Variants in CTNNA2 observed in about 807,000 individuals in gnomAD.
CTNNA2 encodes the protein catenin alpha-2.
A neutral mutation model predicts 101.0 loss-of-function variants in CTNNA2; 42 were observed. That is an observed-to-expected ratio of 0.42 (90% CI 0.32 to 0.54). The LOEUF (loss-of-function observed/expected upper bound fraction) is 0.54. Ranked by LOEUF, CTNNA2 falls within the 20% of genes least tolerant of loss-of-function variation. CTNNA2 has a pLI of 0.14. For missense variants in CTNNA2, 871 were observed against 1,223.1 expected, an observed-to-expected ratio of 0.71 and a Z score of 4.29; for synonymous variants, 450 against 456.4, an observed-to-expected ratio of 0.99 and a Z score of 0.18.
intron 3 of CTNNA2, among the ~76,000 whole-genome samples, chr2:79,847,122 A>G (rs1680289010): frequency 6.6e-6 from 1 of 152,156 alleles, no homozygotes. Context: ...TCATCTTGAC[A>G]TTTCCCTTCT....
chr2:80,273,578 C>T (rs1450463034), intron 7 of CTNNA2, among the ~76,000 whole-genome samples: 3 of 152,188 alleles, frequency 2.0e-5, no homozygotes, highest in African/African-American at 4.8e-5. Context: ...AGGCCAGCTC[C>T]ACTCCTCTCC....
In CTNNA2 at chr2:79,695,076, CTT is replaced by C. The variant is rs145301717; in HGVS notation, c.102+43429_102+43430del. On this transcript the variant is annotated intron_variant, in intron 2 of 18. Transcript: ENST00000402739. ...AAAAGAAATCTTCTCTTTCACATTACTTTTTTTTTTTTAATGTTACATTTGAA... is the reference window on the plus strand; with the variant it reads ...AAAAGAAATCTTCTCTTTCACATTACTTTTTTTTTTAATGTTACATTTGAA... Among the ~76,000 whole-genome samples, 42 of 141,196 alleles carry C rather than the reference CTT, an allele frequency of 3.0e-4. 2 individuals carry two copies. Among genetic ancestry groups the C allele is most frequent in the Admixed American group, 1.4e-3 (19 of 14,074 alleles). The allele number at this position is 141,196 out of a possible 152,430, so 92.6% of individuals were successfully genotyped here.
intron 4 of CTNNA2, among the ~76,000 whole-genome samples, chr2:79,414,235 T>C (rs1678451572): frequency 1.3e-5 from 2 of 151,996 alleles, no homozygotes; most frequent in South Asian, 4.1e-4. Context: ...CTCTCATCCC[T>C]GAGTTACAAT....
At chr2:79,384,009 G>C (rs1313387156) in intron 4 of CTNNA2, among the ~76,000 whole-genome samples, 1 of 152,124 alleles carries the variant, frequency 6.6e-6, no homozygotes, top group Admixed American at 6.5e-5. Context: ...TGAAGAGTGG[G>C]AAGGACGTAG....
intron 7 of CTNNA2, among the ~76,000 whole-genome samples, chr2:80,058,665 A>G (rs966401602): frequency 1.3e-5 from 2 of 152,146 alleles, no homozygotes; most frequent in Non-Finnish European, 2.9e-5. Flanking sequence ...GTGTTTGGGT[A>G]GATGTTATTT....
intron 3 of CTNNA2, among the ~76,000 whole-genome samples, chr2:79,352,640 T>G (rs1677417528): frequency 6.6e-6 from 1 of 152,192 alleles, no homozygotes; most frequent in Non-Finnish European, 1.5e-5. Context: ...TGGGGTTGTT[T>G]TGTTCTTTTT....
intron 1 of CTNNA2, among the ~76,000 whole-genome samples, chr2:79,530,661 C>T (rs1406596462): frequency 6.6e-6 from 1 of 152,168 alleles, no homozygotes; most frequent in East Asian, 1.9e-4. Flanking sequence ...AGAAGTGGAT[C>T]TCACTTGATC....
intron 7 of CTNNA2, among the ~76,000 whole-genome samples, chr2:80,368,831 ATGTGTGTGTGTATATATG>A (rs1675179223): frequency 7.0e-6 from 1 of 143,850 alleles, no homozygotes; most frequent in South Asian, 2.2e-4. Context: ...GTATATATAT[ATGTGTGTGTGTATATATG>A]TGTGTGTGTG....
intron 7 of CTNNA2, among the ~76,000 whole-genome samples, chr2:79,944,189 G>T (rs1299697254): frequency 6.6e-6 from 1 of 152,054 alleles, no homozygotes; most frequent in Non-Finnish European, 1.5e-5. Flanking sequence ...GGGATGGGAG[G>T]GTGGGAACTA....
chr2:79,455,847 T>C (rs1404267124), intron 4 of CTNNA2, among the ~76,000 whole-genome samples: 7 of 152,158 alleles, frequency 4.6e-5, no homozygotes, highest in Non-Finnish European at 8.8e-5. Context: ...CTACTGAACT[T>C]TGAAATTTGG....
intron 4 of CTNNA2, among the ~76,000 whole-genome samples, chr2:79,863,346 T>C (rs749281885): frequency 4.6e-5 from 7 of 152,092 alleles, no homozygotes; most frequent in Non-Finnish European, 7.3e-5. Flanking sequence ...TTTAGGACAA[T>C]AAGAGAAAGG....
At chr2:80,154,431 C>T (rs561913116) in intron 7 of CTNNA2, among the ~76,000 whole-genome samples, 21 of 152,112 alleles carry the variant, frequency 1.4e-4, no homozygotes, top group South Asian at 6.2e-4. Flanking sequence ...TCCACAATGC[C>T]GGGAGCTAAG....
chr2:79,384,082 A>G (rs141637282), intron 4 of CTNNA2, among the ~76,000 whole-genome samples: 121 of 152,320 alleles, frequency 7.9e-4, no homozygotes, highest in African/African-American at 2.8e-3. Context: ...AGCAACCAAG[A>G]TAGGCACAGG....
chr2:79,374,077 A>G (rs1004585335), intron 4 of CTNNA2: 1 of 152,998 alleles, frequency 6.5e-6, no homozygotes, highest in African/African-American at 2.4e-5. Context: ...AATTCCAATT[A>G]AGAATATTTC....
In CTNNA2 at chr2:79,554,500, A is replaced by G. The variant is rs560439199; in HGVS notation, c.-6+41293A>G. On this transcript the variant is annotated intron_variant, in intron 1 of 18. Coordinates refer to ENST00000402739, the MANE Select transcript of CTNNA2 (RefSeq NM_001282597.3). ...TACATTAGCTTAGGGGTAATTCTGA[A>G]GCTTATCTTCCAGTGGGACTGACAC... Among the ~76,000 whole-genome samples the G allele has an allele frequency of 8.5e-5, 13 of 152,276 alleles. No individual in the cohort carries two copies. In the East Asian group the frequency reaches 2.5e-3, roughly 29 times the overall value.
intron 9 of CTNNA2, among the ~76,000 whole-genome samples, chr2:80,436,552 T>C (rs946616012): frequency 2.0e-5 from 3 of 152,188 alleles, no homozygotes; most frequent in Non-Finnish European, 4.4e-5. Context: ...TCAATGTTTG[T>C]GACCCTCTGT....
intron 1 of CTNNA2, among the ~76,000 whole-genome samples, chr2:79,542,803 A>C (rs1673502211): frequency 6.6e-6 from 1 of 152,172 alleles, no homozygotes; most frequent in Non-Finnish European, 1.5e-5. Context: ...TATCTCCTGT[A>C]AACTGGTTAA....
chr2:80,340,978 T>A (rs1183558713), intron 7 of CTNNA2, among the ~76,000 whole-genome samples: 1 of 152,072 alleles, frequency 6.6e-6, no homozygotes, highest in Non-Finnish European at 1.5e-5. Flanking sequence ...TAACTTAACT[T>A]TACCAGTTTA....
chr2:79,188,499 A>C (rs1558567779), intron 1 of CTNNA2, among the ~76,000 whole-genome samples: 1 of 152,182 alleles, frequency 6.6e-6, no homozygotes, highest in Non-Finnish European at 1.5e-5. Context: ...CTGGAACCTA[A>C]TCAGTTAGAA....
Sources: gnomAD v4.1 joint callset for allele counts (sites outside exome capture counted in the v4.1 genomes callset) on GRCh38, gnomAD v4.1.1 for gene constraint, MANE v1.5 for transcripts, NCBI Gene and HGNC (gene_info 2026-07-23, HGNC 2026-07-21) for gene names.